Variants in RASAL2 observed in about 807,000 individuals in gnomAD.
RASAL2 encodes the protein RAS protein activator like 2, also known as ras GTPase-activating protein nGAP.
Under a neutral mutation model 128.9 loss-of-function variants are expected in RASAL2, and 58 were observed. The ratio of observed to expected loss-of-function variants is 0.45; its 90% CI spans 0.36 to 0.56. The LOEUF is 0.56. Among genes scored for constraint, RASAL2 ranks in the 20% least tolerant of loss-of-function variants. The pLI is 0.00. For synonymous variants in RASAL2, 561 were observed against 580.8 expected, an observed-to-expected ratio of 0.97 and a Z score of 0.49; for missense variants, 1,360 against 1,601.6, an observed-to-expected ratio of 0.85 and a Z score of 2.57.
chr1:178,334,251 A>G (rs1669475825), intron 3 of RASAL2, among the ~76,000 whole-genome samples: 1 of 152,156 alleles, frequency 6.6e-6, no homozygotes, highest in Non-Finnish European at 1.5e-5. Flanking sequence ...GAGATTTTCA[A>G]AAACTAAAAA....
chr1:178,194,817 C>T (rs1056880275), intron 1 of RASAL2: 1 of 152,276 alleles, frequency 6.6e-6, no homozygotes, highest in South Asian at 2.1e-4. Context: ...AAACACTCTG[C>T]ACCTGACACA....
chr1:178,230,671 G>A (rs1663969173), intron 1 of RASAL2, among the ~76,000 whole-genome samples: 2 of 152,130 alleles, frequency 1.3e-5, no homozygotes, highest in Admixed American at 1.3e-4. Context: ...GGAGATCGAG[G>A]CAAGTTTTAG....
chr1:178,328,541 T>C (rs1332880622), intron 3 of RASAL2, among the ~76,000 whole-genome samples: 5 of 152,312 alleles, frequency 3.3e-5, no homozygotes, highest in South Asian at 2.1e-4. Flanking sequence ...CCATCTCAAA[T>C]TCATCTCTTT....
At chr1:178,466,609 AGTTT>A (rs1647729198) in intron 16 of RASAL2, among the ~76,000 whole-genome samples, 1 of 152,228 alleles carries the variant, frequency 6.6e-6, no homozygotes, top group Non-Finnish European at 1.5e-5. Context: ...TACACATAAT[AGTTT>A]GTTTAATCTT....
chr1:178,277,448 C>T (rs1472046663), intron 1 of RASAL2, among the ~76,000 whole-genome samples: 1 of 152,078 alleles, frequency 6.6e-6, no homozygotes, highest in African/African-American at 2.4e-5. Context: ...CGTGAGCCAC[C>T]GTTCCTGGCC....
chr1:178,167,174 T>G (rs1661545906), intron 1 of RASAL2, among the ~76,000 whole-genome samples: 1 of 152,150 alleles, frequency 6.6e-6, no homozygotes, highest in South Asian at 2.1e-4. Context: ...AGAGTGTTCA[T>G]AAACCACTAG....
chr1:178,142,351 G>A (rs764350758), intron 1 of RASAL2, among the ~76,000 whole-genome samples: 7 of 152,144 alleles, frequency 4.6e-5, no homozygotes, highest in Admixed American at 4.6e-4. Flanking sequence ...TGTCACTAGG[G>A]TGGAAAAATT....
chr1:178,157,673 T>A (rs1159489032), intron 1 of RASAL2, among the ~76,000 whole-genome samples: 3 of 152,172 alleles, frequency 2.0e-5, no homozygotes, highest in Non-Finnish European at 2.9e-5. Context: ...ACTCCCTGAG[T>A]ACATAACCAC....
intron 1 of RASAL2, among the ~76,000 whole-genome samples, chr1:178,117,165 T>C (rs955167965): frequency 3.9e-5 from 6 of 152,206 alleles, no homozygotes; most frequent in African/African-American, 1.4e-4. Context: ...AATCAAAATA[T>C]TCCCTTATAC....
intron 11 of RASAL2, among the ~76,000 whole-genome samples, chr1:178,452,990 G>A (rs1219666764): frequency 6.6e-6 from 1 of 152,056 alleles, no homozygotes; most frequent in Non-Finnish European, 1.5e-5. Flanking sequence ...TATGTATACT[G>A]TTATCCCAGC....
chr1:178,301,189 T>C (rs1667745818), intron 3 of RASAL2, among the ~76,000 whole-genome samples: 1 of 152,196 alleles, frequency 6.6e-6, no homozygotes, highest in Non-Finnish European at 1.5e-5. Context: ...CAAGTACTTT[T>C]TTCCAAGGAG....
chr1:178,332,506 C>CA (rs939532312), intron 3 of RASAL2, among the ~76,000 whole-genome samples: 2 of 151,660 alleles, frequency 1.3e-5, no homozygotes, highest in Admixed American at 6.6e-5. Flanking sequence ...CAAAACAAAA[C>CA]AAAAAACCTG....
At chr1:178,120,118 C>A (rs566865537) in intron 1 of RASAL2, among the ~76,000 whole-genome samples, 1 of 152,144 alleles carries the variant, frequency 6.6e-6, no homozygotes, top group Non-Finnish European at 1.5e-5. Context: ...TGTGTTTTAA[C>A]GCAGGGCGCT....
chr1:178,399,771 T>C (rs1466793694), intron 4 of RASAL2, among the ~76,000 whole-genome samples: 1 of 152,214 alleles, frequency 6.6e-6, no homozygotes, highest in African/African-American at 2.4e-5. Context: ...GCTTTTCATT[T>C]TGCACTGAGC....
At chr1:178,258,293 C>CAAAA (rs993642772) in intron 1 of RASAL2, among the ~76,000 whole-genome samples, 5 of 69,394 alleles carry the variant, frequency 7.2e-5, no homozygotes, top group Non-Finnish European at 1.5e-4. Flanking sequence ...GACTGCATCT[C>CAAAA]AAAAAAAAAA....
intron 1 of RASAL2, among the ~76,000 whole-genome samples, chr1:178,185,983 G>A (rs1490684352): frequency 1.3e-5 from 2 of 151,770 alleles, no homozygotes; most frequent in African/African-American, 2.4e-5. Flanking sequence ...TTAAATGTTC[G>A]GTAGAATTTA....
chr1:178,222,606 T>C (rs1184754524), intron 1 of RASAL2, among the ~76,000 whole-genome samples: 7 of 152,276 alleles, frequency 4.6e-5, no homozygotes, highest in African/African-American at 1.7e-4. Context: ...GCCTGATTAT[T>C]TATCAGATGT....
At chr1:178,231,096 TCA>T (rs1663989691) in intron 1 of RASAL2, among the ~76,000 whole-genome samples, 1 of 152,174 alleles carries the variant, frequency 6.6e-6, no homozygotes, top group Non-Finnish European at 1.5e-5. Flanking sequence ...ATCACCAGTT[TCA>T]TGTGTTTCTA....
chr1:178,218,973 G>A (rs1364982527), intron 1 of RASAL2, among the ~76,000 whole-genome samples: 1 of 152,304 alleles, frequency 6.6e-6, no homozygotes, highest in East Asian at 1.9e-4. Flanking sequence ...TTTCATCTAT[G>A]TTGAAAATCT....
Sources: allele counts gnomAD v4.1 joint callset (sites outside exome capture counted in the v4.1 genomes callset), GRCh38; gene constraint gnomAD v4.1.1; transcripts MANE v1.5; gene names NCBI Gene and HGNC (gene_info 2026-07-23, HGNC 2026-07-21).